The following RAD54B variants were observed in gnomAD, a reference collection of about 807,000 sequenced individuals.
RAD54B encodes DNA repair and recombination protein RAD54B.
Under a neutral mutation model 95.8 loss-of-function variants are expected in RAD54B, and 78 were observed. The observed-to-expected ratio is 0.81, with a 90% CI of 0.68 to 0.98. RAD54B has a LOEUF of 0.98. Among genes scored for constraint, RAD54B ranks in the 50% least tolerant of loss-of-function variants. The pLI, the probability that RAD54B is intolerant of heterozygous loss-of-function variation, is 0.00. For synonymous variants in RAD54B, 328 were observed against 354.9 expected (o/e 0.92, Z 0.85); for missense variants, 957 against 1,056.6 (o/e 0.91, Z 1.31).
chr8:94,428,833 C>T, intron 3 of RAD54B: 4 of 984,806 alleles, frequency 4.1e-6, no homozygotes, highest in Non-Finnish European at 4.8e-6. Context: ...AGTCCCCTAA[C>T]TCAAAAAAGT....
chr8:94,464,265 A>C (rs2130192853), intron 2 of RAD54B, among the ~76,000 whole-genome samples: 1 of 152,290 alleles, frequency 6.6e-6, no homozygotes, highest in South Asian at 2.1e-4. Flanking sequence ...TAGCTGCAGA[A>C]AACCAAAGAG....
rs114429444 is a variant in RAD54B, at chr8:94,378,363, T to C, written c.2332A>G (p.Ile778Val). 8.0e-5 allele frequency: 129 copies of C among 1,613,338 alleles called. No individual in the cohort carries two copies. The East Asian group carries it at 2.6e-3, about 32-fold the overall frequency. Residue 778 changes from isoleucine to valine, a missense_variant, in exon 14 of 15, where the codon ATC becomes GTC. Transcript: ENST00000336148. ...TGCTTACTGATCTGCCTTTGATAGA[T>C]CTTTTCTTCTATTGTACCTAAAGAG... ...LLTTGTIEEK[I>V]YQRQISKQGL...
intron 14 of RAD54B, among the ~76,000 whole-genome samples, chr8:94,375,645 A>G (rs1810549617): frequency 1.3e-5 from 2 of 152,162 alleles, no homozygotes; most frequent in South Asian, 4.1e-4. Context: ...ATAAATTATG[A>G]TATATCTATA....
chr8:94,381,789 T>C (rs10104756), intron 11 of RAD54B, among the ~76,000 whole-genome samples: 4,614 of 152,156 alleles, frequency 0.03, 84 homozygotes, highest in Non-Finnish European at 0.043. Context: ...AATATCTGAC[T>C]GACAGGAATT....
chr8:94,449,976 C>G (rs1219604548), intron 3 of RAD54B, among the ~76,000 whole-genome samples: 1 of 152,178 alleles, frequency 6.6e-6, no homozygotes, highest in Non-Finnish European at 1.5e-5. Context: ...CATGTTTCCC[C>G]TTCTTCAGCA....
In RAD54B at chr8:94,463,465, T is replaced by C. The variant is rs530455172; in HGVS notation, c.135+3940A>G. Among the ~76,000 whole-genome samples, 13 of 152,092 alleles carry C rather than the reference T, an allele frequency of 8.5e-5. No individual in the cohort carries two copies. In the East Asian group the frequency reaches 2.3e-3, roughly 27 times the overall value. ...ATGGAAAAATTAAAACCTTCATACA[T>C]TGATGGTAAGAATGAAAATGGAGCA... On this transcript the variant is annotated intron_variant, in intron 2 of 14. Coordinates refer to ENST00000336148, the MANE Select transcript of RAD54B (RefSeq NM_012415.3).
intron 3 of RAD54B, among the ~76,000 whole-genome samples, chr8:94,412,370 ATTTT>A (rs66586571): frequency 6.7e-6 from 1 of 148,238 alleles, no homozygotes; most frequent in African/African-American, 2.5e-5. Flanking sequence ...TGCCAATTTC[ATTTT>A]TTTTTTTTTT....
intron 3 of RAD54B, among the ~76,000 whole-genome samples, chr8:94,433,596 CAA>C (rs760972278): frequency 2.3e-4 from 35 of 151,936 alleles, no homozygotes; most frequent in Non-Finnish European, 4.3e-4. Flanking sequence ...TTCAGCATAA[CAA>C]GTTATGATAT....
At chr8:94,378,806 CAGAA>C (rs1291366910) in intron 12 of RAD54B, among the ~76,000 whole-genome samples, 172 bp from the exon 13 acceptor site, 12 of 152,080 alleles carry the variant, frequency 7.9e-5, no homozygotes, top group Non-Finnish European at 1.5e-4. Flanking sequence ...TTTTTCTTGG[CAGAA>C]AGAAAGGGAT....
intron 5 of RAD54B, among the ~76,000 whole-genome samples, chr8:94,406,136 T>C (rs1811384462): frequency 6.6e-6 from 1 of 151,932 alleles, no homozygotes; most frequent in Non-Finnish European, 1.5e-5. Context: ...AAGTATTTCC[T>C]GGAAAGAGTA....
chr8:94,458,240 A>T (rs1159095288), intron 3 of RAD54B, 28 bp downstream of exon 3: 3 of 1,553,242 alleles, frequency 1.9e-6, no homozygotes, highest in Non-Finnish European at 2.6e-6. Flanking sequence ...GGTCAAGCAT[A>T]AACCTTATCA....
chr8:94,433,935 C>T (rs1812190621), intron 3 of RAD54B, among the ~76,000 whole-genome samples: 1 of 151,376 alleles, frequency 6.6e-6, no homozygotes, highest in Non-Finnish European at 1.5e-5. Flanking sequence ...TTACTAATGC[C>T]ATTAAATTGC....
chr8:94,441,457 T>C (rs1432707041), intron 3 of RAD54B, among the ~76,000 whole-genome samples: 1 of 152,138 alleles, frequency 6.6e-6, no homozygotes, highest in Non-Finnish European at 1.5e-5. Flanking sequence ...TTATAAAGGA[T>C]ATTACAAAGG....
In RAD54B at chr8:94,407,567, G is replaced by C. The variant is rs748561168; in HGVS notation, c.653C>G (p.Ser218Trp). ...TTTCCTGGCAACCTGAGAAGAATGC[G>C]AGATAGCAGTACTTCCTCCTCCAAG... is the stretch of plus-strand genomic sequence containing the variant. ...FQLGGGSTAI[S>W]HSSQVARKCF... is the part of the protein sequence containing the mutation. The change falls in exon 5 of 15, where the codon TCG (serine) becomes TGG (tryptophan). Residue 218 changes from serine (S) to tryptophan (W), a missense_variant. Transcript: ENST00000336148. The C allele has an allele frequency of 6.8e-6, 11 of 1,613,876 alleles. No homozygotes were observed. Among genetic ancestry groups the C allele is most frequent in the African/African-American group, 2.7e-5 (2 of 74,902 alleles).
intron 8 of RAD54B, 144 bp from the exon 9 acceptor site, chr8:94,394,026 A>G (rs529898377): frequency 1.4e-6 from 1 of 725,876 alleles, no homozygotes; most frequent in Non-Finnish European, 2.3e-6. Context: ...AAACTAAGAA[A>G]GAGCAGTCAA....
At chr8:94,373,472 T>G (rs1385407045) in intron 14 of RAD54B, among the ~76,000 whole-genome samples, 2 of 152,170 alleles carry the variant, frequency 1.3e-5, no homozygotes, top group Non-Finnish European at 2.9e-5. Context: ...ACTGAACAAT[T>G]TTCTACTTTA....
chr8:94,443,411 A>G (rs1812445805), intron 3 of RAD54B, among the ~76,000 whole-genome samples: 1 of 152,184 alleles, frequency 6.6e-6, no homozygotes, highest in Non-Finnish European at 1.5e-5. Flanking sequence ...CCACCAGAGT[A>G]CACATCTACC....
At chr8:94,417,041 T>C (rs1047535954) in intron 3 of RAD54B, among the ~76,000 whole-genome samples, 4 of 152,110 alleles carry the variant, frequency 2.6e-5, no homozygotes, top group African/African-American at 9.7e-5. Context: ...CAATGGAATA[T>C]AATTCCATCA....
In RAD54B at chr8:94,378,366, T is replaced by C; in HGVS notation, c.2329A>G (p.Lys777Glu). 6.2e-7 allele frequency: 1 copy of C among 1,613,066 alleles called. No individual in the cohort carries two copies. The highest frequency in any genetic ancestry group is 8.5e-7 in the Non-Finnish European group (1 of 1,179,466). The change falls in exon 14 of 15, where the codon AAG becomes GAG. Residue 777 changes from lysine (K) to glutamate (E), a missense_variant. By Grantham distance (56) the Lys-to-Glu change is moderately conservative. Coordinates refer to ENST00000336148, the MANE Select transcript of RAD54B (RefSeq NM_012415.3). ...RLLTTGTIEE[K>E]IYQRQISKQG... ...TTACTGATCTGCCTTTGATAGATCT[T>C]TTCTTCTATTGTACCTAAAGAGAAA...
Sources: gnomAD v4.1 joint callset for allele counts (sites outside exome capture counted in the v4.1 genomes callset) on GRCh38, gnomAD v4.1.1 for gene constraint, MANE v1.5 for transcripts, NCBI Gene and HGNC (gene_info 2026-07-23, HGNC 2026-07-21) for gene names.